The following TANC1 variants were observed in gnomAD, a reference collection of about 807,000 sequenced individuals.
TANC1 encodes the protein tetratricopeptide repeat, ankyrin repeat and coiled-coil containing 1.
A neutral mutation model predicts 149.7 loss-of-function variants in TANC1; 77 were observed. The observed-to-expected ratio is 0.51, with a 90% confidence interval of 0.43 to 0.62. The LOEUF (loss-of-function observed/expected upper bound fraction) is 0.62, where lower values mean the gene tolerates loss of function less well. Ranked by LOEUF, TANC1 falls within the 20% of genes least tolerant of loss-of-function variation. The pLI is 0.00. For missense variants in TANC1, 1,985 were observed against 2,321.8 expected, an observed-to-expected ratio of 0.85 and a Z score of 2.98; for synonymous variants, 854 against 925.0, an observed-to-expected ratio of 0.92 and a Z score of 1.39.
At chr2:159,213,258 G>C (rs1353923751) in intron 19 of TANC1, among the ~76,000 whole-genome samples, 1 of 152,102 alleles carries the variant, frequency 6.6e-6, no homozygotes, top group Non-Finnish European at 1.5e-5. Context: ...AGTACCCCAA[G>C]CCTTATGTTA....
At chr2:159,033,051 G>A (rs1255093793) in intron 2 of TANC1, among the ~76,000 whole-genome samples, 1 of 152,218 alleles carries the variant, frequency 6.6e-6, no homozygotes, top group East Asian at 1.9e-4. Context: ...CGGTCCGTCA[G>A]CCACTGTTTG....
chr2:159,002,304 C>A (rs949030728), intron 2 of TANC1, among the ~76,000 whole-genome samples: 2 of 152,148 alleles, frequency 1.3e-5, no homozygotes, highest in African/African-American at 4.8e-5. Flanking sequence ...GCCCATTGAG[C>A]CTGAAGTCAG....
At chr2:158,989,081 G>A (rs1450043917) in intron 1 of TANC1, among the ~76,000 whole-genome samples, 8 of 152,136 alleles carry the variant, frequency 5.3e-5, no homozygotes, top group Admixed American at 5.2e-4. Flanking sequence ...CACACTGGGG[G>A]AAATAAGCCT....
At chr2:159,117,557 G>A (rs188094872) in intron 4 of TANC1, among the ~76,000 whole-genome samples, 345 of 151,988 alleles carry the variant, frequency 2.3e-3, no homozygotes, top group African/African-American at 7.9e-3. Flanking sequence ...CACCACGCCC[G>A]GCTAATTTTT....
chr2:158,980,042 A>G (rs2034118119), intron 1 of TANC1, among the ~76,000 whole-genome samples: 1 of 152,250 alleles, frequency 6.6e-6, no homozygotes, highest in Non-Finnish European at 1.5e-5. Context: ...ATTTAAGTAA[A>G]GCAAGAATTC....
At chr2:158,999,766 A>T (rs2036461727) in intron 1 of TANC1, among the ~76,000 whole-genome samples, 1 of 152,194 alleles carries the variant, frequency 6.6e-6, no homozygotes, top group African/African-American at 2.4e-5. Flanking sequence ...TTCAGAACAG[A>T]AAGTAGGTCC....
intron 4 of TANC1, among the ~76,000 whole-genome samples, chr2:159,111,888 T>C (rs2047765287): frequency 6.6e-6 from 1 of 152,200 alleles, no homozygotes; most frequent in African/African-American, 2.4e-5. Flanking sequence ...ATATTGAAGG[T>C]CTTTGGTAAT....
Position 159,187,020 on chromosome 2 carries a change from T to C in TANC1, c.2738T>C (p.Val913Ala), listed in dbSNP as rs780325179. Residue 913 changes from valine (V) to alanine (A), a missense_variant, in exon 16 of 27, where the codon GTG becomes GCG. Val to Ala is a moderately conservative substitution (Grantham distance 64). Transcript: ENST00000263635. ...CTCAGGAATCTCTATACTCCCAACG[T>C]GAAGGTGAGCAACCTTCTGCACAGA... ...ASLRNLYTPN[V>A]KVSRLLILGG... The C allele has an allele frequency of 1.9e-6, 3 of 1,614,128 alleles. No homozygotes were observed. The highest frequency in any genetic ancestry group is 2.5e-6 in the Non-Finnish European group (3 of 1,180,008).
intron 2 of TANC1, among the ~76,000 whole-genome samples, chr2:159,023,527 A>G (rs1295812760): frequency 6.6e-6 from 1 of 151,452 alleles, no homozygotes; most frequent in Admixed American, 6.6e-5. Flanking sequence ...TTTTTGGAAG[A>G]GACAGGATCT....
At chr2:159,003,551 G>A (rs188728948) in intron 2 of TANC1, among the ~76,000 whole-genome samples, 73 of 152,356 alleles carry the variant, frequency 4.8e-4, no homozygotes, top group African/African-American at 1.7e-3. Context: ...AGGCTACACA[G>A]TTAATGGGTT....
intron 4 of TANC1, among the ~76,000 whole-genome samples, chr2:159,098,870 G>A (rs1033068491): frequency 4.6e-5 from 7 of 151,792 alleles, no homozygotes; most frequent in East Asian, 1.9e-4. Context: ...TACAAAAGGC[G>A]GATAATTTGG....
intron 2 of TANC1, among the ~76,000 whole-genome samples, chr2:159,049,685 C>T (rs1299468002): frequency 6.6e-6 from 1 of 152,148 alleles, no homozygotes; most frequent in East Asian, 1.9e-4. Flanking sequence ...AGACGGAGAC[C>T]TGTTTGGCTG....
At position 159,228,867 on chromosome 2, in the gene TANC1, T is replaced by C. The variant is rs778176302; in HGVS notation, c.4122T>C (p.Tyr1374=). Residue 1374 remains tyrosine (Y), a synonymous_variant, in exon 26 of 27, where the codon TAT becomes TAC. Coordinates refer to ENST00000263635, the MANE Select transcript of TANC1 (RefSeq NM_033394.3). ...ELKPKSYEAF[Y]ARARAKRNSR... Reference sequence around the variant, plus strand: ...AGCCCAAGTCCTATGAAGCCTTTTATGCCAGAGCAAGAGCGAAGAGAAATA... The same window carrying C: ...AGCCCAAGTCCTATGAAGCCTTTTACGCCAGAGCAAGAGCGAAGAGAAATA... 6.2e-7 allele frequency: 1 copy of C among 1,614,122 alleles called. No individual in the cohort carries two copies. The highest frequency in any genetic ancestry group is 1.1e-5 in the South Asian group (1 of 91,082).
intron 5 of TANC1, among the ~76,000 whole-genome samples, chr2:159,146,572 G>A (rs2052124089): frequency 8.1e-6 from 1 of 123,090 alleles, no homozygotes; most frequent in South Asian, 2.6e-4. Context: ...ACAGAATGTT[G>A]CTCTGTTGCC....
chr2:159,093,587 TA>T (rs1054895992), intron 3 of TANC1, among the ~76,000 whole-genome samples: 1 of 152,246 alleles, frequency 6.6e-6, no homozygotes, highest in African/African-American at 2.4e-5. Context: ...TGTTCATACA[TA>T]AAACTTCTCT....
intron 5 of TANC1, among the ~76,000 whole-genome samples, chr2:159,146,072 C>G (rs2052046861): frequency 6.6e-6 from 1 of 152,204 alleles, no homozygotes; most frequent in Admixed American, 6.5e-5. Context: ...CTGTTCAGAT[C>G]TCAGTATTTA....
intron 22 of TANC1, among the ~76,000 whole-genome samples, chr2:159,223,313 T>A (rs1377699630): frequency 9.2e-5 from 14 of 152,104 alleles, no homozygotes; most frequent in Non-Finnish European, 1.8e-4. Context: ...TTTTTTTTTT[T>A]AATTGTAGCC....
chr2:159,100,136 C>A (rs1224116531), intron 4 of TANC1, among the ~76,000 whole-genome samples: 1 of 152,094 alleles, frequency 6.6e-6, no homozygotes, highest in Non-Finnish European at 1.5e-5. Context: ...AGAGATTTGA[C>A]CTTTTGTACA....
chr2:159,022,486 C>T (rs1327458492), intron 2 of TANC1, among the ~76,000 whole-genome samples: 1 of 152,006 alleles, frequency 6.6e-6, no homozygotes, highest in Non-Finnish European at 1.5e-5. Flanking sequence ...TGGTTCACGC[C>T]TGTAATCCCA....
Sources: allele counts gnomAD v4.1 joint callset (sites outside exome capture counted in the v4.1 genomes callset), GRCh38; gene constraint gnomAD v4.1.1; transcripts MANE v1.5; gene names NCBI Gene and HGNC (gene_info 2026-07-23, HGNC 2026-07-21).